Variants in MYZAP observed in about 807,000 individuals in gnomAD.
The protein encoded by MYZAP is GRINL1A complex locus upstream.
Under a neutral mutation model 69.4 loss-of-function variants are expected in MYZAP, and 66 were observed. The ratio of observed to expected loss-of-function variants is 0.95; its 90% confidence interval spans 0.78 to 1.17. The LOEUF is 1.17. Ranked by LOEUF, MYZAP falls within the 50% of genes most tolerant of loss-of-function variation. MYZAP has a pLI of 0.00. For synonymous variants in MYZAP, 256 were observed against 205.9 expected, an observed-to-expected ratio of 1.24 and a Z score of -2.09; for missense variants, 611 against 556.2, an observed-to-expected ratio of 1.10 and a Z score of -0.99.
chr15:57,596,919 C>T (rs1402267144), intron 1 of MYZAP, among the ~76,000 whole-genome samples: 3 of 152,186 alleles, frequency 2.0e-5, no homozygotes, highest in Non-Finnish European at 2.9e-5. Flanking sequence ...CCATTACTTG[C>T]GTCACCTGTG....
intron 7 of MYZAP, among the ~76,000 whole-genome samples, 195 bp downstream of exon 7, chr15:57,632,754 T>C (rs1431298096): frequency 6.6e-6 from 1 of 152,228 alleles, no homozygotes; most frequent in Non-Finnish European, 1.5e-5. Context: ...TCCCCGTCTC[T>C]ACTCAGAATA....
At chr15:57,657,661 A>G (rs755766445) in intron 10 of MYZAP, among the ~76,000 whole-genome samples, 19 of 152,222 alleles carry the variant, frequency 1.2e-4, no homozygotes, top group Non-Finnish European at 2.1e-4. Context: ...AGTCCATATT[A>G]ATGGAAATAA....
intron 10 of MYZAP, among the ~76,000 whole-genome samples, chr15:57,644,212 A>G (rs1292395640): frequency 3.3e-5 from 5 of 152,096 alleles, no homozygotes; most frequent in Admixed American, 1.3e-4. Flanking sequence ...TTTCATGTTC[A>G]TGCATTTGGC....
At chr15:57,593,862 C>T (rs2033881330) in intron 1 of MYZAP, among the ~76,000 whole-genome samples, 1 of 152,092 alleles carries the variant, frequency 6.6e-6, no homozygotes. Context: ...CAAGTACTAT[C>T]TGTGTGTGTG....
intron 4 of MYZAP, 21 bp from the exon 5 acceptor site, chr15:57,625,758 C>T: frequency 6.2e-7 from 1 of 1,611,496 alleles, no homozygotes; most frequent in Non-Finnish European, 8.5e-7. Flanking sequence ...TTTTGTGTGA[C>T]TGTCTCCTCG....
intron 10 of MYZAP, among the ~76,000 whole-genome samples, chr15:57,657,582 GAT>G (rs2038069441): frequency 6.6e-6 from 1 of 152,062 alleles, no homozygotes; most frequent in African/African-American, 2.4e-5. Context: ...CCATGAAATT[GAT>G]ATTTCATAAT....
chr15:57,633,818 T>TG (rs1281132505), intron 8 of MYZAP, 77 bp downstream of exon 8: 1 of 1,351,418 alleles, frequency 7.4e-7, no homozygotes, highest in Admixed American at 2.9e-5. Context: ...CGAGAGGCCC[T>TG]GGATATGGAT....
At chr15:57,676,459 C>CAT (rs1450210805) in intron 12 of MYZAP, among the ~76,000 whole-genome samples, 48 of 138,836 alleles carry the variant, frequency 3.5e-4, no homozygotes, top group Non-Finnish European at 7.0e-4. Flanking sequence ...TATATATATA[C>CAT]ATATATATAC....
intron 10 of MYZAP, among the ~76,000 whole-genome samples, chr15:57,661,061 T>G (rs1188706217): frequency 2.6e-5 from 4 of 152,208 alleles, no homozygotes; most frequent in Non-Finnish European, 5.9e-5. Context: ...TAATCATTTT[T>G]TGGAGAGTTG....
intron 8 of MYZAP, among the ~76,000 whole-genome samples, chr15:57,634,298 G>C (rs531310980): frequency 6.6e-6 from 1 of 152,076 alleles, no homozygotes; most frequent in Non-Finnish European, 1.5e-5. Context: ...GGGAGGAAGT[G>C]GTGGGAGAAA....
chr15:57,598,655 G>C (rs2034218685), intron 1 of MYZAP, among the ~76,000 whole-genome samples: 1 of 152,172 alleles, frequency 6.6e-6, no homozygotes, highest in Non-Finnish European at 1.5e-5. Flanking sequence ...CCAAAGATTT[G>C]AATGACTCCT....
chr15:57,664,835 G>A (rs192396695), intron 11 of MYZAP, among the ~76,000 whole-genome samples: 1 of 152,282 alleles, frequency 6.6e-6, no homozygotes, highest in African/African-American at 2.4e-5. Context: ...TATTGAGCAA[G>A]TTAATTAACT....
At chr15:57,611,185 C>T (rs1192286828) in intron 2 of MYZAP, among the ~76,000 whole-genome samples, 2 of 152,136 alleles carry the variant, frequency 1.3e-5, no homozygotes, top group Admixed American at 1.3e-4. Flanking sequence ...GTATGATCCC[C>T]ATTTTAGTGT....
At position 57,655,244 on chromosome 15, in the gene MYZAP, G is replaced by A. The variant is rs529789817; in HGVS notation, c.1120-6206G>A. On this transcript the variant is annotated intron_variant, in intron 10 of 12. Transcript: ENST00000267853. ...GGAGGGTGGGGAGGCATTCCTAATG[G>A]AGCCACCAGCCTGTGTGTTCAAAGT... is the stretch of plus-strand genomic sequence containing the variant. Among the ~76,000 whole-genome samples, 10 of 152,182 alleles carry A rather than the reference G, an allele frequency of 6.6e-5. No homozygotes were observed. In the South Asian group the frequency reaches 2.1e-3, roughly 32 times the overall value.
At position 57,649,801 on chromosome 15, in the gene MYZAP, A is replaced by G. The variant is rs553351900; in HGVS notation, c.1119+10256A>G. ...TTGATTGTTCATCTTTAGGTCTTCA[A>G]TTACAACCTGCACATCCATCCCCTC... On this transcript the variant is annotated intron_variant, in intron 10 of 12. Transcript: ENST00000267853. Among the ~76,000 whole-genome samples the G allele has an allele frequency of 3.3e-5, 5 of 152,296 alleles. No individual in the cohort carries two copies. In the South Asian group the frequency reaches 6.2e-4, roughly 19 times the overall value.
chr15:57,669,108 C>G (rs1388620355), intron 11 of MYZAP, among the ~76,000 whole-genome samples: 1 of 151,994 alleles, frequency 6.6e-6, no homozygotes, highest in African/African-American at 2.4e-5. Context: ...GGGCTGGTCT[C>G]GAACTCCTGA....
At chr15:57,625,726 G>T in intron 4 of MYZAP, 53 bp from the exon 5 acceptor site, 3 of 1,542,390 alleles carry the variant, frequency 1.9e-6, no homozygotes, top group Non-Finnish European at 2.7e-6. Flanking sequence ...ACTGAAGATT[G>T]TCGTGAACGT....
At chr15:57,657,939 T>A (rs1282798904) in intron 10 of MYZAP, among the ~76,000 whole-genome samples, 1 of 152,210 alleles carries the variant, frequency 6.6e-6, no homozygotes, top group Non-Finnish European at 1.5e-5. Flanking sequence ...TTTGGGCAAA[T>A]TTAATAGGTA....
At chr15:57,613,345 G>A (rs1326304015) in intron 2 of MYZAP, among the ~76,000 whole-genome samples, 2 of 151,386 alleles carry the variant, frequency 1.3e-5, no homozygotes, top group Non-Finnish European at 2.9e-5. Context: ...ATTATAAAGA[G>A]GCTTTTGATT....
Sources: allele counts gnomAD v4.1 joint callset (sites outside exome capture counted in the v4.1 genomes callset), GRCh38; gene constraint gnomAD v4.1.1; transcripts MANE v1.5; gene names NCBI Gene and HGNC (gene_info 2026-07-23, HGNC 2026-07-21).